Variants in ANAPC2 observed in about 807,000 individuals in gnomAD.
The protein encoded by ANAPC2 is anaphase-promoting complex subunit 2.
In ANAPC2, 29 loss-of-function variants were observed where a neutral mutation model predicts 84.3. That is an observed-to-expected ratio of 0.34 (90% confidence interval 0.26 to 0.47). ANAPC2 has a LOEUF of 0.47. ANAPC2 is among the 20% of genes least tolerant of loss of function. The pLI, the probability that ANAPC2 is intolerant of heterozygous loss-of-function variation, is 1.00. For missense variants in ANAPC2, 857 were observed against 1,131.7 expected, an observed-to-expected ratio of 0.76 and a Z score of 3.48; for synonymous variants, 571 against 479.4, an observed-to-expected ratio of 1.19 and a Z score of -2.50.
intron 7 of ANAPC2, among the ~76,000 whole-genome samples, 179 bp downstream of exon 7, chr9:137,181,502 C>T (rs1231070780): frequency 6.6e-6 from 1 of 152,248 alleles, no homozygotes; most frequent in Non-Finnish European, 1.5e-5. Flanking sequence ...AGCCCATCAC[C>T]GGCCTGCCCA....
chr9:137,177,988 ACTTCTGT>A (rs949521518), intron 10 of ANAPC2, among the ~76,000 whole-genome samples: 4 of 152,094 alleles, frequency 2.6e-5, no homozygotes, highest in African/African-American at 9.7e-5. Context: ...TAGACTTCTG[ACTTCTGT>A]AAAATGATAT....
intron 4 of ANAPC2, among the ~76,000 whole-genome samples, chr9:137,184,262 G>A (rs979087474): frequency 1.3e-5 from 2 of 151,760 alleles, no homozygotes; most frequent in Non-Finnish European, 2.9e-5. Flanking sequence ...CAGACACAGA[G>A]CAGACACGGC....
chr9:137,183,122 C>T lies in ANAPC2; in HGVS notation c.1286+3G>A, dbSNP rs1346106747. ...TGGCTCCTGGGCCAGCTGCAGCCCT[C>T]ACCTCAGGTAGCGGCGGATAGGCTC... On this transcript the variant is annotated splice_donor_region_variant and intron_variant, in intron 6 of 12. Coordinates refer to ENST00000323927, the MANE Select transcript of ANAPC2 (RefSeq NM_013366.4). 10 of 1,610,574 alleles carry T rather than the reference C, an allele frequency of 6.2e-6. No individual in the cohort carries two copies. Among genetic ancestry groups the T allele is most frequent in the African/African-American group, 1.3e-5 (1 of 74,878 alleles).
intron 4 of ANAPC2, 40 bp downstream of exon 4, chr9:137,184,873 C>G: frequency 2.5e-6 from 4 of 1,603,136 alleles, no homozygotes; most frequent in Non-Finnish European, 3.4e-6. Context: ...GGAAGACTCC[C>G]CAGACGGGAG....
At chr9:137,180,738 G>A in intron 8 of ANAPC2, 50 bp downstream of exon 8, 1 of 1,593,444 alleles carries the variant, frequency 6.3e-7, no homozygotes. Flanking sequence ...AGAGAGGCTG[G>A]GCAAAGGCCC....
Position 137,187,845 on chromosome 9 carries a change from G to A in ANAPC2, c.376C>T (p.Leu126=), listed in dbSNP as rs367903351. The change falls in exon 2 of 13, where the codon CTG becomes TTG. Residue 126 remains leucine, a synonymous_variant. Transcript: ENST00000323927. ...TTCTCCAGCAGCTCTAGGCTACGCA[G>A]GTAGGGATCCAGGCGGCTCTCCAGC... ...GLLESRLDPY[L]RSLELLEKWT... The A allele has an allele frequency of 1.9e-6, 3 of 1,613,504 alleles. No homozygotes were observed. The African/African-American group carries it at 4.0e-5, about 22-fold the overall frequency.
At chr9:137,178,043 T>C (rs912804768) in intron 10 of ANAPC2, among the ~76,000 whole-genome samples, 1 of 152,236 alleles carries the variant, frequency 6.6e-6, no homozygotes, top group Non-Finnish European at 1.5e-5. Context: ...TACTTTGTTC[T>C]GGTAGCACTG....
intron 6 of ANAPC2, among the ~76,000 whole-genome samples, chr9:137,182,561 C>T (rs536372056): frequency 6.6e-6 from 1 of 152,268 alleles, no homozygotes; most frequent in East Asian, 1.9e-4. Flanking sequence ...CAGTTACAGC[C>T]ACAAAGCACC....
At chr9:137,176,476 A>AG (rs1834214958) in intron 10 of ANAPC2, 1 of 152,366 alleles carries the variant, frequency 6.6e-6, no homozygotes, top group Admixed American at 6.5e-5. Flanking sequence ...AAGGGCCAGG[A>AG]GGGGTGCTGC....
At chr9:137,183,472 C>G (rs1443636177) in intron 5 of ANAPC2, 200 bp downstream of exon 5, 1 of 868,676 alleles carries the variant, frequency 1.2e-6, no homozygotes, top group Non-Finnish European at 1.7e-6. Flanking sequence ...CCGGTCAGTC[C>G]TGACTCCCTC....
Position 137,181,692 on chromosome 9 carries a change from T to C in ANAPC2, c.1457A>G (p.Asp486Gly). The C allele has an allele frequency of 1.3e-6, 2 of 1,599,300 alleles. No individual in the cohort carries two copies. The highest frequency in any genetic ancestry group is 2.3e-5 in the East Asian group (1 of 44,442). The change falls in exon 7 of 13, where the codon GAT (aspartate) becomes GGT (glycine). Residue 486 changes from aspartate to glycine, a missense_variant. By Grantham distance (94) the Asp-to-Gly change is moderately conservative. This residue lies in a region of ANAPC2 where 425 missense variants were observed against 595.5 expected (regional missense o/e 0.71). Coordinates refer to ENST00000323927, the MANE Select transcript of ANAPC2 (RefSeq NM_013366.4). ...EPEDWVPDPVDADPGKSSSKR... is the reference protein window; with the variant it reads ...EPEDWVPDPVGADPGKSSSKR... ...TGGGGCAAGCTAACCTGGATCGGCA[T>C]CCACAGGGTCCGGGACCCAGTCCTC...
At position 137,175,676 on chromosome 9, in the gene ANAPC2, G is replaced by A. The variant is rs527792701; in HGVS notation, c.2020+32C>T. 610 of 1,597,034 alleles carry A rather than the reference G, an allele frequency of 3.8e-4. 8 individuals are homozygous for A. The South Asian group carries it at 6.3e-3, about 16-fold the overall frequency. On this transcript the variant is annotated intron_variant, in intron 11 of 12. Transcript: ENST00000323927. ...TCACCCACAGCTGGGCCGTGTGGCC[G>A]GGGCAGGCCAGCTAGGGGCTGGTGG...
chr9:137,186,183 CCT>C (rs531570040), intron 3 of ANAPC2, 39 bp downstream of exon 3: 100 of 1,601,882 alleles, frequency 6.2e-5, no homozygotes, highest in East Asian at 3.4e-4. Flanking sequence ...AACCTACTCC[CCT>C]GTCTCCAGCG....
intron 8 of ANAPC2, 41 bp downstream of exon 8, chr9:137,180,747 C>T: frequency 1.3e-6 from 2 of 1,597,314 alleles, no homozygotes; most frequent in Non-Finnish European, 1.7e-6. Context: ...GGGCAAAGGC[C>T]CCGGCACCCC....
In ANAPC2 at chr9:137,175,230, C is replaced by T. The variant is rs369056007; in HGVS notation, c.2256+7G>A. Reference sequence around the variant, plus strand: ...CCCCTGGCCCCCCGTGGGGCCTGCACGCGCACCAGCAGCTCCTCCTCCTTC... The same window carrying T: ...CCCCTGGCCCCCCGTGGGGCCTGCATGCGCACCAGCAGCTCCTCCTCCTTC... On this transcript the variant is annotated splice_region_variant and intron_variant, in intron 12 of 12. Transcript: ENST00000323927. The T allele has an allele frequency of 4.2e-5, 68 of 1,610,846 alleles. No individual in the cohort carries two copies. The highest frequency in any genetic ancestry group is 1.5e-4 in the African/African-American group (11 of 74,898).
intron 10 of ANAPC2, among the ~76,000 whole-genome samples, chr9:137,178,960 G>A (rs922613377): frequency 2.6e-5 from 4 of 152,204 alleles, no homozygotes; most frequent in Non-Finnish European, 5.9e-5. Context: ...CCCTTGGTTT[G>A]TCAACACAGC....
At position 137,180,246 on chromosome 9, in the gene ANAPC2, G is replaced by A. The variant is rs147799303; in HGVS notation, c.1825C>T (p.Leu609=). 4.3e-6 allele frequency: 7 copies of A among 1,613,716 alleles called. No homozygotes were observed. In the African/African-American group the frequency reaches 5.3e-5, roughly 12 times the overall value. ...GCCCTGATATCCTCGGGGACCTCCA[G>A]CTTCTCGTCCTTGAAGGGCGGCCAG... is the stretch of plus-strand genomic sequence containing the variant. The part of the protein sequence containing the change: ...EFWPPFKDEK[L]EVPEDIRAAL... Residue 609 remains leucine, a synonymous_variant, in exon 10 of 13, where the codon CTG becomes TTG. Transcript: ENST00000323927.
In ANAPC2 at chr9:137,183,259, A is replaced by G; in HGVS notation, c.1169-17T>C. The G allele has an allele frequency of 6.2e-7, 1 of 1,603,228 alleles. No individual in the cohort carries two copies. Among genetic ancestry groups the G allele is most frequent in the Non-Finnish European group, 8.5e-7 (1 of 1,171,264 alleles). On this transcript the variant is annotated splice_polypyrimidine_tract_variant and intron_variant, in intron 5 of 12. Transcript: ENST00000323927. ...TGTTGACGCCTACAGCCAGGGCAGA[A>G]GCCAGCAGTCATGCAGTGCCCGGGA...
chr9:137,180,213 C>A lies in ANAPC2; in HGVS notation c.1858G>T (p.Glu620Ter). Residue 620 changes from glutamate to a stop codon, truncating the protein, a stop_gained, in exon 10 of 13, where the codon GAG becomes TAG. Transcript: ENST00000323927. LOFTEE classifies it high-confidence loss of function. Reference protein sequence around the residue: ...EVPEDIRAALEAYCKKYEQLK... With the variant: ...EVPEDIRAAL ...TGCTCATACTTCTTGCAGTAAGCCT[C>A]CAGGGCTGCCCTGATATCCTCGGGG... The A allele has an allele frequency of 6.2e-7, 1 of 1,613,750 alleles. No homozygotes were observed. Among genetic ancestry groups the A allele is most frequent in the Non-Finnish European group, 8.5e-7 (1 of 1,179,986 alleles).
Sources: gnomAD v4.1 joint callset for allele counts (sites outside exome capture counted in the v4.1 genomes callset) on GRCh38, gnomAD v4.1.1 for gene constraint, gnomAD v4.1.1 regional missense constraint, MANE v1.5 for transcripts, NCBI Gene and HGNC (gene_info 2026-07-23, HGNC 2026-07-21) for gene names.